IRGM: variants seen among roughly 807,000 people sequenced by gnomAD.
IRGM encodes immunity related GTPase M.
For synonymous variants in IRGM, 98 were observed against 80.6 expected (o/e 1.22, Z -1.16); for missense variants, 288 against 219.9 (o/e 1.31, Z -1.96).
chr5:150,895,635 T>C, intron 3 of IRGM: 1 of 1,613,250 alleles, frequency 6.2e-7, no homozygotes, highest in Non-Finnish European at 8.5e-7. Flanking sequence ...TCCCGGAAGG[T>C]GGGACTTCTG....
intron 1 of IRGM, among the ~76,000 whole-genome samples, chr5:150,861,774 T>G (rs1205831298): frequency 6.6e-6 from 1 of 152,132 alleles, no homozygotes; most frequent in Admixed American, 6.5e-5. Flanking sequence ...GGTGAGGATG[T>G]TTTGCATGCT....
chr5:150,873,929 A>C (rs1391658274), intron 1 of IRGM, among the ~76,000 whole-genome samples: 1 of 152,240 alleles, frequency 6.6e-6, no homozygotes, highest in African/African-American at 2.4e-5. Context: ...ACTACATCCC[A>C]GTTCAACTCT....
At chr5:150,895,591 T>TGTAAG in intron 3 of IRGM, 1 of 1,613,482 alleles carries the variant, frequency 6.2e-7, no homozygotes, top group Non-Finnish European at 8.5e-7. Flanking sequence ...TCAGCACATA[T>TGTAAG]GTAAGGTTTC....
chr5:150,875,989 C>T (rs1754357057), intron 1 of IRGM, among the ~76,000 whole-genome samples: 1 of 152,182 alleles, frequency 6.6e-6, no homozygotes, highest in Non-Finnish European at 1.5e-5. Context: ...AATGCCTTAT[C>T]CACCATCCAC....
At chr5:150,865,847 C>G (rs1038942927) in intron 1 of IRGM, among the ~76,000 whole-genome samples, 1 of 152,078 alleles carries the variant, frequency 6.6e-6, no homozygotes, top group African/African-American at 2.4e-5. Flanking sequence ...GACTCTGCCT[C>G]CTGGGTTCCA....
intron 3 of IRGM, among the ~76,000 whole-genome samples, chr5:150,892,526 T>A (rs1754626857): frequency 6.6e-6 from 1 of 152,150 alleles, no homozygotes; most frequent in Non-Finnish European, 1.5e-5. Context: ...ACAACACTTT[T>A]ATCTCTTCCT....
chr5:150,858,724 G>A (rs1267813386), intron 1 of IRGM, among the ~76,000 whole-genome samples: 1 of 151,998 alleles, frequency 6.6e-6, no homozygotes, highest in Non-Finnish European at 1.5e-5. Context: ...TTGGCTCTCT[G>A]TTTGTCTGTT....
chr5:150,859,041 C>T (rs928164670), intron 1 of IRGM, among the ~76,000 whole-genome samples: 12 of 152,158 alleles, frequency 7.9e-5, no homozygotes, highest in Non-Finnish European at 1.3e-4. Flanking sequence ...TTTGCCCATT[C>T]AGTATGATAT....
rs77724219 is a variant in IRGM, at chr5:150,847,216, A to C, written c.-420A>C. ...CTCTGCACGTGTGCTCCCCCGCCTGATGAGGTAAGTGTTAAACAGGGATGA... is the reference window on the plus strand; with the variant it reads ...CTCTGCACGTGTGCTCCCCCGCCTGCTGAGGTAAGTGTTAAACAGGGATGA... On this transcript the variant is annotated 5_prime_UTR_variant, in exon 1 of 2. The change abolishes an upstream ATG in the 5' untranslated region. Coordinates refer to ENST00000522154, the MANE Select transcript of IRGM (RefSeq NM_001145805.2). 0.039 allele frequency: 5,928 copies of C among 152,436 alleles called. 193 individuals carry two copies. The highest frequency in any genetic ancestry group is 0.18 in the East Asian group (942 of 5,320). 9.4% of individuals were successfully genotyped at this position (152,436 alleles called of 1,614,324 possible).
intron 3 of IRGM, chr5:150,895,877 T>G (rs1479698231): frequency 6.2e-7 from 1 of 1,613,668 alleles, no homozygotes; most frequent in Non-Finnish European, 8.5e-7. Flanking sequence ...CTAACTGATG[T>G]GTAATGAGTT....
At chr5:150,849,540 AATG>A (rs1468751331), downstream of IRGM, among the ~76,000 whole-genome samples, 1 of 152,034 alleles carries the variant, frequency 6.6e-6, no homozygotes, top group African/African-American at 2.4e-5. Flanking sequence ...TTAAAAGTAA[AATG>A]ATCATCAGGC....
chr5:150,892,008 A>G (rs1020012225), intron 3 of IRGM, among the ~76,000 whole-genome samples: 2 of 152,118 alleles, frequency 1.3e-5, no homozygotes, highest in Non-Finnish European at 2.9e-5. Flanking sequence ...CATTCACTGA[A>G]TATTTAGCAT....
intron 3 of IRGM, among the ~76,000 whole-genome samples, chr5:150,889,189 C>T (rs982003308): frequency 1.8e-4 from 27 of 151,330 alleles, no homozygotes; most frequent in African/African-American, 6.6e-4. Flanking sequence ...TTTCATGCTG[C>T]TGACAAAGAC....
Position 150,896,892 on chromosome 5 carries a change from G to A in IRGM, c.*141-3697G>A, listed in dbSNP as rs751512559. 4 of 1,613,534 alleles carry A rather than the reference G, an allele frequency of 2.5e-6. No homozygotes were observed. In the South Asian group the frequency reaches 3.3e-5, roughly 13 times the overall value. On this transcript the variant is annotated intron_variant and NMD_transcript_variant, in intron 3 of 3. Transcript: ENST00000520549. ...AATGGAGCACAATGAACCATCCCTT[G>A]TGACTCCTTTCAGTATCTTATGATG...
At chr5:150,855,949 G>A (rs1249508291) in intron 1 of IRGM, among the ~76,000 whole-genome samples, 1 of 151,462 alleles carries the variant, frequency 6.6e-6, no homozygotes, top group Non-Finnish European at 1.5e-5. Flanking sequence ...ATGTTAATTA[G>A]GAGACACTCA....
rs115539848 is a variant in IRGM, at chr5:150,890,747, A to G, written c.*141-9842A>G. Among the ~76,000 whole-genome samples, 1,097 of 152,084 alleles carry G rather than the reference A, an allele frequency of 7.2e-3. 12 individuals are homozygous for G. Among genetic ancestry groups the G allele is most frequent in the African/African-American group, 0.025 (1,028 of 41,502 alleles). The stretch of plus-strand genomic sequence containing the variant: ...ATTTAGAAATGTGTTATTACTTTCC[A>G]TATATTTGGTATTTTCCACATATTT... On this transcript the variant is annotated intron_variant and NMD_transcript_variant, in intron 3 of 3. Coordinates refer to the IRGM transcript ENST00000520549.
intron 1 of IRGM, among the ~76,000 whole-genome samples, chr5:150,860,005 T>C (rs1342625222): frequency 6.6e-6 from 1 of 152,210 alleles, no homozygotes; most frequent in Non-Finnish European, 1.5e-5. Flanking sequence ...AGAAGCTTTA[T>C]AGATTTCATT....
intron 3 of IRGM, among the ~76,000 whole-genome samples, chr5:150,900,341 T>C (rs1754949549): frequency 6.6e-6 from 1 of 152,078 alleles, no homozygotes. Context: ...AAAATCACTC[T>C]GCCCTTTCTA....
In IRGM at chr5:150,848,356, A is replaced by G. The variant is rs978814079; in HGVS notation, c.233A>G (p.Tyr78Cys). ...AAAGCTACCCAAAGATGTGCCTCCT[A>G]TTTCTCTTCCCACTTTTCAAATGTG... ...LVKATQRCAS[Y>C]FSSHFSNVVL... The change falls in exon 2 of 2, where the codon TAT (tyrosine) becomes TGT (cysteine). Residue 78 changes from tyrosine to cysteine, a missense_variant. Transcript: ENST00000522154. 3.2e-5 allele frequency: 49 copies of G among 1,551,536 alleles called. No homozygotes were observed. The highest frequency in any genetic ancestry group is 3.3e-4 in the Middle Eastern group (2 of 6,014).
Sources: allele counts gnomAD v4.1 joint callset (sites outside exome capture counted in the v4.1 genomes callset), GRCh38; gene constraint gnomAD v4.1.1; transcripts MANE v1.5; gene names NCBI Gene and HGNC (gene_info 2026-07-23, HGNC 2026-07-21).